The following CACNA2D1 variants were observed in gnomAD, a reference collection of about 807,000 sequenced individuals.
CACNA2D1 encodes the protein calcium voltage-gated channel auxiliary subunit alpha2delta 1, also known as voltage-dependent calcium channel subunit alpha-2/delta-1.
CACNA2D1 carries 53 observed loss-of-function variants against 171.5 expected under a neutral mutation model. The ratio of observed to expected loss-of-function variants is 0.31; its 90% confidence interval spans 0.25 to 0.39. The LOEUF (loss-of-function observed/expected upper bound fraction) is 0.39. Ranked by LOEUF, CACNA2D1 falls within the 10% of genes least tolerant of loss-of-function variation. The probability of loss-of-function intolerance (pLI) is 1.00; values close to 1 mark genes in which losing one functional copy is unlikely to be tolerated. For missense variants in CACNA2D1, 903 were observed against 1,299.8 expected, an observed-to-expected ratio of 0.69 and a Z score of 4.69; for synonymous variants, 442 against 443.1, an observed-to-expected ratio of 1.00 and a Z score of 0.03.
rs71093367 is a variant in CACNA2D1 at position 82,181,041 on chromosome 7, A to ATTTTTTTTTTTTTTTTTTTTTTTTTTTT, written c.295-10460_295-10433dup. On this transcript the variant is annotated intron_variant, in intron 3 of 38. Coordinates refer to ENST00000356860, the MANE Select transcript of CACNA2D1 (RefSeq NM_000722.4). ...GGTCAGCAGCTGTGGGGCATGTCGGATTTTTTTTTTTTTTTTTTTTTTTTT... is the reference window on the plus strand; with the variant it reads ...GGTCAGCAGCTGTGGGGCATGTCGGATTTTTTTTTTTTTTTTTTTTTTTTTTTTTTTTTTTTTTTTTTTTTTTTTTTTT... Among the ~76,000 whole-genome samples, 17 of 13,960 alleles carry ATTTTTTTTTTTTTTTTTTTTTTTTTTTT rather than the reference A, an allele frequency of 1.2e-3. 8 individuals are homozygous for ATTTTTTTTTTTTTTTTTTTTTTTTTTTT. The highest frequency in any genetic ancestry group is 2.0e-3 in the Non-Finnish European group (13 of 6,626). 9.2% of individuals were successfully genotyped at this position (13,960 alleles called of 152,430 possible).
rs1174278503 is a variant in CACNA2D1 at position 82,137,707 on chromosome 7, T to TAAAAAAAAAAAAAAAAAAAAAA, written c.355-1053_355-1032dup. The stretch of plus-strand genomic sequence containing the variant: ...TAATACAGTGAAACTCCGTCTCTAC[T>TAAAAAAAAAAAAAAAAAAAAAA]AAAAAAAAAAAAAAAAAAAAAAATT... On this transcript the variant is annotated intron_variant, in intron 4 of 38. Coordinates refer to ENST00000356860, the MANE Select transcript of CACNA2D1 (RefSeq NM_000722.4). Among the ~76,000 whole-genome samples, 17 of 78,830 alleles carry TAAAAAAAAAAAAAAAAAAAAAA rather than the reference T, an allele frequency of 2.2e-4. 2 individuals carry two copies. The highest frequency in any genetic ancestry group is 1.0e-3 in the South Asian group (2 of 2,008). The allele number at this position is 78,830 out of a possible 152,430, so 51.7% of individuals were successfully genotyped here. A position where few individuals can be genotyped will look rare whatever the true frequency, so the allele number is the denominator to read the frequency against.
intron 3 of CACNA2D1, among the ~76,000 whole-genome samples, chr7:82,172,950 G>T (rs937069840): frequency 3.3e-5 from 5 of 151,990 alleles, no homozygotes; most frequent in African/African-American, 1.2e-4. Context: ...AGAATATTAA[G>T]TTTTTTCTTC....
At chr7:82,300,300 T>C (rs1812838595) in intron 3 of CACNA2D1, among the ~76,000 whole-genome samples, 1 of 151,960 alleles carries the variant, frequency 6.6e-6, no homozygotes. Context: ...AAAGAGGAAT[T>C]AAATCAGAAA....
At chr7:82,053,639 TATCTCCAGAAGCAGAGTGG>T (rs1305404071) in intron 10 of CACNA2D1, among the ~76,000 whole-genome samples, 1 of 152,188 alleles carries the variant, frequency 6.6e-6, no homozygotes, top group African/African-American at 2.4e-5. Flanking sequence ...CAGTAATACG[TATCTCCAGAAGCAGAGTGG>T]AAAGTCACTA....
At chr7:82,273,747 T>C (rs1397706321) in intron 3 of CACNA2D1, among the ~76,000 whole-genome samples, 1 of 152,232 alleles carries the variant, frequency 6.6e-6, no homozygotes, top group Non-Finnish European at 1.5e-5. Context: ...ATAAAAGTTG[T>C]GTGCGTATGC....
In CACNA2D1 at chr7:82,024,189, C is replaced by T. The variant is rs918235150; in HGVS notation, c.1143+8608G>A. On this transcript the variant is annotated intron_variant, in intron 12 of 38. Transcript: ENST00000356860. ...TATCCAGAAGTAGGCTTTCTGGATG[C>T]TATGGTAGTTATATTTTTAATTCTT... Among the ~76,000 whole-genome samples, 11 of 151,420 alleles carry T rather than the reference C, an allele frequency of 7.3e-5. No homozygotes were observed. The South Asian group carries it at 2.3e-3, about 31-fold the overall frequency.
At chr7:82,274,146 T>C (rs1267929336) in intron 3 of CACNA2D1, among the ~76,000 whole-genome samples, 1 of 152,078 alleles carries the variant, frequency 6.6e-6, no homozygotes, top group Non-Finnish European at 1.5e-5. Context: ...GCCTGCGCAC[T>C]AACCCCTCCT....
intron 10 of CACNA2D1, among the ~76,000 whole-genome samples, chr7:82,059,757 C>G (rs897714542): frequency 3.3e-5 from 5 of 151,294 alleles, no homozygotes; most frequent in African/African-American, 9.7e-5. Context: ...AGATGTCCAA[C>G]AATGATAGAC....
rs960412665 is a variant in CACNA2D1, at chr7:81,947,277, A to G, written c.*3115T>C. On this transcript the variant is annotated 3_prime_UTR_variant, in exon 39 of 39. Coordinates refer to ENST00000356860, the MANE Select transcript of CACNA2D1 (RefSeq NM_000722.4). ...CCCGATAAGTCCAGTTTTAAAGTTA[A>G]TAAAAGGAATATTATAGGAAAACTT... The G allele has an allele frequency of 1.3e-5, 2 of 151,908 alleles. No individual in the cohort carries two copies. The highest frequency in any genetic ancestry group is 4.8e-5 in the African/African-American group (2 of 41,412). The allele number at this position is 151,908 out of a possible 1,614,324, so 9.4% of individuals were successfully genotyped here.
intron 1 of CACNA2D1, among the ~76,000 whole-genome samples, chr7:82,422,684 A>C (rs997824361): frequency 6.6e-6 from 1 of 152,136 alleles, no homozygotes; most frequent in African/African-American, 2.4e-5. Flanking sequence ...TTCCGGAAGA[A>C]GTGTATAGTG....
intron 36 of CACNA2D1, among the ~76,000 whole-genome samples, chr7:81,961,319 G>A (rs547039259): frequency 2.0e-5 from 3 of 151,802 alleles, no homozygotes; most frequent in African/African-American, 7.2e-5. Flanking sequence ...GATATTTTAT[G>A]GATACTGACT....
At chr7:82,094,240 GAA>G (rs56682610) in intron 6 of CACNA2D1, among the ~76,000 whole-genome samples, 9 of 146,580 alleles carry the variant, frequency 6.1e-5, no homozygotes, top group South Asian at 4.3e-4. Flanking sequence ...AGAATGAAAA[GAA>G]AAAAAAAAAC....
chr7:82,009,954 T>G (rs935254844), intron 15 of CACNA2D1, among the ~76,000 whole-genome samples: 1 of 152,070 alleles, frequency 6.6e-6, no homozygotes, highest in Non-Finnish European at 1.5e-5. Context: ...ATTGTCCTAA[T>G]CTCCCCTTAT....
chr7:81,964,388 G>A (rs752262317), intron 32 of CACNA2D1, 29 bp from the exon 33 acceptor site: 44 of 1,598,828 alleles, frequency 2.8e-5, no homozygotes, highest in South Asian at 6.6e-5. Context: ...ATAAAGCAAC[G>A]TGCACTTAAA....
At chr7:81,974,719 A>G (rs1273670736) in intron 24 of CACNA2D1, among the ~76,000 whole-genome samples, 167 bp from the exon 25 acceptor site, 2 of 151,994 alleles carry the variant, frequency 1.3e-5, no homozygotes, top group East Asian at 3.9e-4. Flanking sequence ...CCAATACTTT[A>G]CCAGTAAGTG....
chr7:82,391,551 A>G (rs991405275), intron 1 of CACNA2D1, among the ~76,000 whole-genome samples: 3 of 152,184 alleles, frequency 2.0e-5, no homozygotes, highest in Non-Finnish European at 4.4e-5. Context: ...AAAATGTTAC[A>G]CTGGTTTTAT....
At chr7:81,975,127 A>C (rs1212913424) in intron 24 of CACNA2D1, among the ~76,000 whole-genome samples, 2 of 152,114 alleles carry the variant, frequency 1.3e-5, no homozygotes, top group Non-Finnish European at 2.9e-5. Context: ...TGTTTATGTC[A>C]GTTTCCTGGT....
In CACNA2D1 at chr7:82,016,610, G is replaced by C. The variant is rs879248033; in HGVS notation, c.1144-2131C>G. ...TAGTCCAAATAAACACTAGCCGCCC[G>C]CCCCCCCCCCCCAAAAAAAAAGCTT... is the stretch of plus-strand genomic sequence containing the variant. On this transcript the variant is annotated intron_variant, in intron 12 of 38. Coordinates refer to ENST00000356860, the MANE Select transcript of CACNA2D1 (RefSeq NM_000722.4). Among the ~76,000 whole-genome samples, 51 of 50,680 alleles carry C rather than the reference G, an allele frequency of 1.0e-3. 1 individual carries two copies. Among genetic ancestry groups the C allele is most frequent in the African/African-American group, 2.5e-3 (17 of 6,858 alleles). The allele number at this position is 50,680 out of a possible 152,430, so 33.2% of individuals were successfully genotyped here.
At chr7:82,197,459 G>T (rs532497270) in intron 3 of CACNA2D1, among the ~76,000 whole-genome samples, 27 of 152,112 alleles carry the variant, frequency 1.8e-4, no homozygotes, top group African/African-American at 6.3e-4. Context: ...TAAATGTAAG[G>T]CATTATACCA....
Sources: gnomAD v4.1 joint callset for allele counts (sites outside exome capture counted in the v4.1 genomes callset) on GRCh38, gnomAD v4.1.1 for gene constraint, MANE v1.5 for transcripts, NCBI Gene and HGNC (gene_info 2026-07-23, HGNC 2026-07-21) for gene names.